The following SORCS2 variants were observed in gnomAD, a reference collection of about 807,000 sequenced individuals.
SORCS2 encodes the protein VPS10 domain-containing receptor SorCS2.
A neutral mutation model predicts 141.6 loss-of-function variants in SORCS2; 100 were observed. That is an observed-to-expected ratio of 0.71 (90% CI 0.60 to 0.83). SORCS2 has a LOEUF of 0.83. SORCS2 is among the 40% of genes least tolerant of loss of function. The probability of loss-of-function intolerance (pLI) is 0.00; values close to 1 mark genes in which losing one functional copy is unlikely to be tolerated. For missense variants in SORCS2, 1,646 were observed against 1,560.2 expected (o/e 1.05, Z -0.93); for synonymous variants, 789 against 676.9 (o/e 1.17, Z -2.57).
intron 3 of SORCS2, among the ~76,000 whole-genome samples, chr4:7,609,995 G>A (rs922093276): frequency 1.3e-5 from 2 of 152,172 alleles, no homozygotes; most frequent in Non-Finnish European, 2.9e-5. Context: ...ATGTCTGACC[G>A]TAATCATCCA....
At chr4:7,619,126 C>T (rs1029285919) in intron 3 of SORCS2, among the ~76,000 whole-genome samples, 2 of 152,194 alleles carry the variant, frequency 1.3e-5, no homozygotes, top group Non-Finnish European at 2.9e-5. Context: ...CTCCAGGAAG[C>T]TATCACCCCT....
At position 7,384,458 on chromosome 4, in the gene SORCS2, T is replaced by C. The variant is rs555328599; in HGVS notation, c.481-11830T>C. On this transcript the variant is annotated intron_variant, in intron 1 of 26. Coordinates refer to ENST00000507866, the MANE Select transcript of SORCS2 (RefSeq NM_020777.3). ...GTGCACCTCCACTGCAGGTCAGACC[T>C]CGGGGGACTGGGGCTGGCTGTGGGA... Among the ~76,000 whole-genome samples the C allele has an allele frequency of 8.5e-4, 129 of 152,208 alleles. 1 individual carries two copies. Among genetic ancestry groups the C allele is most frequent in the Admixed American group, 8.4e-3 (128 of 15,292 alleles).
intron 3 of SORCS2, among the ~76,000 whole-genome samples, chr4:7,586,698 A>C (rs558791709): frequency 1.3e-5 from 2 of 152,166 alleles, no homozygotes; most frequent in Admixed American, 1.3e-4. Context: ...TCCATGGTGT[A>C]TATGTACCAC....
At chr4:7,567,651 T>C (rs187967878) in intron 3 of SORCS2, among the ~76,000 whole-genome samples, 1 of 152,204 alleles carries the variant, frequency 6.6e-6, no homozygotes, top group Admixed American at 6.5e-5. Flanking sequence ...CCATAGAGTT[T>C]CTCTTTGGCG....
intron 1 of SORCS2, among the ~76,000 whole-genome samples, chr4:7,214,577 C>T (rs796728987): frequency 6.6e-6 from 1 of 152,252 alleles, no homozygotes; most frequent in South Asian, 2.1e-4. Context: ...ATGGCACTGA[C>T]TGCGTGCAGG....
chr4:7,570,852 C>T (rs1715343262), intron 3 of SORCS2, among the ~76,000 whole-genome samples: 1 of 152,148 alleles, frequency 6.6e-6, no homozygotes, highest in Non-Finnish European at 1.5e-5. Flanking sequence ...AGGGTGACAG[C>T]TATGAATTTG....
chr4:7,643,025 CA>C (rs1459295716), intron 4 of SORCS2, among the ~76,000 whole-genome samples: 3 of 152,220 alleles, frequency 2.0e-5, no homozygotes, highest in African/African-American at 7.2e-5. Flanking sequence ...TGTGCAAAGC[CA>C]AAGGCTTGCC....
intron 3 of SORCS2, 114 bp from the exon 4 acceptor site, chr4:7,638,214 C>T (rs2108863041): frequency 1.5e-6 from 2 of 1,295,314 alleles, no homozygotes; most frequent in East Asian, 2.7e-5. Context: ...GCCTCACAAC[C>T]CCCTTTCTGG....
chr4:7,491,410 A>G (rs2109401504), intron 2 of SORCS2, among the ~76,000 whole-genome samples: 1 of 152,348 alleles, frequency 6.6e-6, no homozygotes, highest in South Asian at 2.1e-4. Flanking sequence ...AGGACCCTGC[A>G]TGAGCATGCC....
chr4:7,216,185 A>G (rs12152611), intron 1 of SORCS2, among the ~76,000 whole-genome samples: 48,305 of 152,020 alleles, frequency 0.32, 8,382 homozygotes, highest in Non-Finnish European at 0.39. Flanking sequence ...CACTCACCGC[A>G]AAGGTCTGCG....
At chr4:7,732,325 G>A (rs1022785072) in intron 23 of SORCS2, among the ~76,000 whole-genome samples, 3 of 152,188 alleles carry the variant, frequency 2.0e-5, no homozygotes, top group African/African-American at 4.8e-5. Context: ...TGGTCTCTGA[G>A]CCCACCCAGC....
chr4:7,447,806 G>A (rs771974583), intron 2 of SORCS2, among the ~76,000 whole-genome samples: 8 of 152,144 alleles, frequency 5.3e-5, no homozygotes, highest in Non-Finnish European at 8.8e-5. Flanking sequence ...CGGAGCCTGT[G>A]CATCCCAGGA....
chr4:7,253,787 C>T (rs900073833), intron 1 of SORCS2, among the ~76,000 whole-genome samples: 6 of 152,240 alleles, frequency 3.9e-5, no homozygotes, highest in South Asian at 2.1e-4. Flanking sequence ...GGAGGGTACA[C>T]GCACTGAATC....
chr4:7,649,128 G>A (rs1260701331), intron 4 of SORCS2, among the ~76,000 whole-genome samples: 2 of 152,180 alleles, frequency 1.3e-5, no homozygotes, highest in Non-Finnish European at 2.9e-5. Context: ...CTGAGCCAGC[G>A]GCCTTAGCAA....
At chr4:7,614,733 A>G (rs556906259) in intron 3 of SORCS2, among the ~76,000 whole-genome samples, 4 of 148,820 alleles carry the variant, frequency 2.7e-5, no homozygotes, top group Admixed American at 2.0e-4. Context: ...CAATCCATCT[A>G]TCCATCCACC....
intron 4 of SORCS2, among the ~76,000 whole-genome samples, chr4:7,641,156 G>C (rs1720703056): frequency 6.6e-6 from 1 of 152,172 alleles, no homozygotes. Context: ...TCTCAACACT[G>C]ATCACAATGG....
chr4:7,398,691 AAAAT>A (rs1724377089), intron 2 of SORCS2, among the ~76,000 whole-genome samples: 1 of 152,192 alleles, frequency 6.6e-6, no homozygotes, highest in Non-Finnish European at 1.5e-5. Context: ...TATCATTTTT[AAAAT>A]ATGTTTCTAG....
chr4:7,561,726 T>G (rs377117142), intron 3 of SORCS2, among the ~76,000 whole-genome samples: 1 of 95,642 alleles, frequency 1.0e-5, no homozygotes, highest in Non-Finnish European at 2.2e-5. Flanking sequence ...CATCCATCTA[T>G]CCATCCATCC....
intron 1 of SORCS2, among the ~76,000 whole-genome samples, chr4:7,198,187 G>A (rs1727276318): frequency 1.3e-5 from 2 of 152,150 alleles, no homozygotes; most frequent in Non-Finnish European, 2.9e-5. Context: ...GAGGTGCGTG[G>A]CTGGGCGCAC....
Sources: gnomAD v4.1 joint callset for allele counts (sites outside exome capture counted in the v4.1 genomes callset) on GRCh38, gnomAD v4.1.1 for gene constraint, MANE v1.5 for transcripts, NCBI Gene and HGNC (gene_info 2026-07-23, HGNC 2026-07-21) for gene names.